LARP1: variants seen among roughly 807,000 people sequenced by gnomAD.
The protein encoded by LARP1 is La ribonucleoprotein 1, translational regulator, also known as la-related protein 1.
A neutral mutation model predicts 122.7 loss-of-function variants in LARP1; 36 were observed. The observed-to-expected ratio is 0.29, with a 90% CI of 0.22 to 0.39. LARP1 has a LOEUF of 0.39. Ranked by LOEUF, LARP1 falls within the 10% of genes least tolerant of loss-of-function variation. LARP1 has a pLI of 1.00. For synonymous variants in LARP1, 539 were observed against 528.7 expected, an observed-to-expected ratio of 1.02 and a Z score of -0.27; for missense variants, 1,040 against 1,403.6, an observed-to-expected ratio of 0.74 and a Z score of 4.14.
At chr5:154,790,189 C>G (rs1757230279) in intron 1 of LARP1, 136 bp from the exon 2 acceptor site, 2 of 646,888 alleles carry the variant, frequency 3.1e-6, no homozygotes, top group African/African-American at 1.8e-5. Flanking sequence ...GTGTCTTTCC[C>G]CTCTCTACTG....
intron 1 of LARP1, among the ~76,000 whole-genome samples, chr5:154,722,256 C>T: frequency 6.6e-6 from 1 of 152,200 alleles, no homozygotes; most frequent in South Asian, 2.1e-4. Context: ...CCTACCTCCT[C>T]CTGCAGGGAG....
At chr5:154,800,887 T>C (rs2113827619) in intron 10 of LARP1, among the ~76,000 whole-genome samples, 1 of 152,312 alleles carries the variant, frequency 6.6e-6, no homozygotes, top group East Asian at 1.9e-4. Context: ...TTCCCCACAG[T>C]TGTGGCTTCA....
intron 1 of LARP1, among the ~76,000 whole-genome samples, chr5:154,760,279 T>C (rs1284308701): frequency 6.6e-6 from 1 of 152,168 alleles, no homozygotes; most frequent in Non-Finnish European, 1.5e-5. Flanking sequence ...TGACCAGCAA[T>C]GTGGACACCG....
At chr5:154,773,898 G>A (rs569851565) in intron 1 of LARP1, among the ~76,000 whole-genome samples, 1 of 152,302 alleles carries the variant, frequency 6.6e-6, no homozygotes, top group East Asian at 1.9e-4. Flanking sequence ...GGGGACATGG[G>A]TTGGCCTGAG....
chr5:154,692,039 G>A (rs1754244363), intron 1 of LARP1, among the ~76,000 whole-genome samples: 1 of 152,122 alleles, frequency 6.6e-6, no homozygotes, highest in African/African-American at 2.4e-5. Flanking sequence ...CGATCCACCC[G>A]CCTCCGCCGC....
intron 1 of LARP1, among the ~76,000 whole-genome samples, chr5:154,773,221 C>G (rs933474135): frequency 1.3e-5 from 2 of 152,082 alleles, no homozygotes; most frequent in African/African-American, 4.8e-5. Flanking sequence ...TTTGGGGTCT[C>G]AGTTGACCAT....
chr5:154,769,005 T>G (rs1755184355), intron 1 of LARP1, among the ~76,000 whole-genome samples: 1 of 152,044 alleles, frequency 6.6e-6, no homozygotes, highest in Non-Finnish European at 1.5e-5. Flanking sequence ...GCCTGGCTAA[T>G]TTTTTGTATT....
intron 1 of LARP1, among the ~76,000 whole-genome samples, chr5:154,773,501 A>G (rs963002807): frequency 2.6e-5 from 4 of 152,172 alleles, no homozygotes; most frequent in African/African-American, 7.2e-5. Context: ...CTGGGCCACA[A>G]ATCACATGCA....
intron 1 of LARP1, among the ~76,000 whole-genome samples, chr5:154,781,713 C>T (rs1756466605): frequency 6.6e-6 from 1 of 152,222 alleles, no homozygotes; most frequent in Non-Finnish European, 1.5e-5. Context: ...TGCGTCCTGA[C>T]ACAAATTTGT....
chr5:154,743,156 A>C (rs1479819700), intron 1 of LARP1, among the ~76,000 whole-genome samples: 1 of 152,192 alleles, frequency 6.6e-6, no homozygotes, highest in Non-Finnish European at 1.5e-5. Flanking sequence ...ATTAATTCAT[A>C]TTCTGGGAAA....
intron 1 of LARP1, among the ~76,000 whole-genome samples, chr5:154,684,579 A>G (rs1396849260): frequency 6.6e-6 from 1 of 151,742 alleles, no homozygotes; most frequent in African/African-American, 2.4e-5. Flanking sequence ...AAGGGTGTGC[A>G]CTCCTTGCGC....
rs1198967611 is a variant in LARP1, at chr5:154,755,807, A to C, written c.50A>C (p.Gln17Pro). The change falls in exon 1 of 19, where the codon CAG becomes CCG. Residue 17 changes from glutamine to proline, a missense_variant. Physicochemically the swap from Gln to Pro is moderately conservative, Grantham distance 76. Coordinates refer to ENST00000518297, the MANE Select transcript of LARP1 (RefSeq NM_033551.3). ...CTGCCTGGGGGCGCCACGCTCTTGC[A>C]GGCCGAAGAGCACGGGGGGCTGGTG... is the stretch of plus-strand genomic sequence containing the variant. ...PLLPGGATLL[Q>P]AEEHGGLVRK... 2.5e-5 allele frequency: 25 copies of C among 991,866 alleles called. No individual in the cohort carries two copies. The highest frequency in any genetic ancestry group is 8.6e-5 in the South Asian group (2 of 23,228). 61.4% of individuals were successfully genotyped at this position (991,866 alleles called of 1,614,324 possible).
intron 1 of LARP1, among the ~76,000 whole-genome samples, chr5:154,769,488 G>C (rs1233659113): frequency 6.6e-6 from 1 of 152,206 alleles, no homozygotes; most frequent in Admixed American, 6.5e-5. Flanking sequence ...CGACTTTAAG[G>C]TCTTAGGGTA....
intron 1 of LARP1, among the ~76,000 whole-genome samples, chr5:154,691,112 A>G (rs1383879268): frequency 6.6e-6 from 1 of 150,948 alleles, no homozygotes; most frequent in Non-Finnish European, 1.5e-5. Flanking sequence ...AGAAAAAAAA[A>G]TTAGCCGGGC....
chr5:154,708,870 C>CA (rs1292073230), upstream of LARP1, among the ~76,000 whole-genome samples: 3 of 152,178 alleles, frequency 2.0e-5, no homozygotes, highest in African/African-American at 7.2e-5. Flanking sequence ...CTCAGCCTCC[C>CA]AAAGTGCTGT....
chr5:154,700,313 C>T (rs1430290424), intron 1 of LARP1, among the ~76,000 whole-genome samples: 1 of 152,000 alleles, frequency 6.6e-6, no homozygotes, highest in Non-Finnish European at 1.5e-5. Flanking sequence ...TTCACCCTGC[C>T]TTTATTTAAA....
intron 1 of LARP1, among the ~76,000 whole-genome samples, chr5:154,723,057 T>C (rs1028829210): frequency 6.6e-6 from 1 of 152,190 alleles, no homozygotes; most frequent in Non-Finnish European, 1.5e-5. Flanking sequence ...TTGGCCAAGG[T>C]CATACAGTGA....
At chr5:154,736,296 A>C (rs950179221) in intron 1 of LARP1, among the ~76,000 whole-genome samples, 1 of 151,640 alleles carries the variant, frequency 6.6e-6, no homozygotes, top group African/African-American at 2.4e-5. Flanking sequence ...GGGTTTCACT[A>C]TGTTGGCCAG....
At chr5:154,747,485 T>A (rs2113493349) in intron 1 of LARP1, among the ~76,000 whole-genome samples, 1 of 151,822 alleles carries the variant, frequency 6.6e-6, no homozygotes. Context: ...GGCGGGTGGA[T>A]CACCTGAGGT....
Sources: gnomAD v4.1 joint callset for allele counts (sites outside exome capture counted in the v4.1 genomes callset) on GRCh38, gnomAD v4.1.1 for gene constraint, MANE v1.5 for transcripts, NCBI Gene and HGNC (gene_info 2026-07-23, HGNC 2026-07-21) for gene names.